The following KIAA1958 variants were observed in gnomAD, a reference collection of about 807,000 sequenced individuals.
KIAA1958 encodes KIAA1958.
A neutral mutation model predicts 47.2 loss-of-function variants in KIAA1958; 14 were observed. The ratio of observed to expected loss-of-function variants is 0.30; its 90% confidence interval spans 0.20 to 0.46. The LOEUF is 0.46. Among genes scored for constraint, KIAA1958 ranks in the 20% least tolerant of loss-of-function variants. The probability of loss-of-function intolerance (pLI) is 1.00; values close to 1 mark genes in which losing one functional copy is unlikely to be tolerated. For missense variants in KIAA1958, 803 were observed against 909.2 expected, an observed-to-expected ratio of 0.88 and a Z score of 1.50; for synonymous variants, 354 against 353.3, an observed-to-expected ratio of 1.00 and a Z score of -0.02.
intron 2 of KIAA1958, among the ~76,000 whole-genome samples, chr9:112,602,016 A>G (rs544082716): frequency 4.9e-4 from 75 of 152,344 alleles, no homozygotes; most frequent in Admixed American, 8.5e-4. Context: ...TCAGATAGCT[A>G]TAATAGCTTA....
chr9:112,636,802 G>A (rs575165847), intron 2 of KIAA1958, among the ~76,000 whole-genome samples: 1 of 152,180 alleles, frequency 6.6e-6, no homozygotes, highest in African/African-American at 2.4e-5. Flanking sequence ...GAATATAGCT[G>A]AATATTGTTC....
At position 112,661,878 on chromosome 9, in the gene KIAA1958, T is replaced by A. The variant is rs1837283850; in HGVS notation, c.*1809T>A. 6.6e-6 allele frequency: 1 copy of A among 152,258 alleles called. No individual in the cohort carries two copies. The highest frequency in any genetic ancestry group is 1.5e-5 in the Non-Finnish European group (1 of 68,050). The allele number at this position is 152,258 out of a possible 1,614,324, so 9.4% of individuals were successfully genotyped here. ...TAAAAGAAATACACAAAACATTAGGTACAATTTCCTTTAGTTTGCTAAACA... is the reference window on the plus strand; with the variant it reads ...TAAAAGAAATACACAAAACATTAGGAACAATTTCCTTTAGTTTGCTAAACA... On this transcript the variant is annotated 3_prime_UTR_variant, in exon 4 of 4. Transcript: ENST00000337530.
intron 2 of KIAA1958, among the ~76,000 whole-genome samples, chr9:112,605,384 A>G (rs1193429723): frequency 2.0e-5 from 3 of 151,816 alleles, no homozygotes; most frequent in African/African-American, 7.3e-5. Flanking sequence ...TCTGCCTCTG[A>G]CCTCCTGCTT....
intron 2 of KIAA1958, among the ~76,000 whole-genome samples, chr9:112,625,905 A>G (rs1314098048): frequency 6.6e-6 from 1 of 152,230 alleles, no homozygotes; most frequent in South Asian, 2.1e-4. Flanking sequence ...GTCTTCAAGA[A>G]TATCAATTCT....
At chr9:112,613,571 T>C (rs1273227263) in intron 2 of KIAA1958, among the ~76,000 whole-genome samples, 1 of 152,154 alleles carries the variant, frequency 6.6e-6, no homozygotes, top group Non-Finnish European at 1.5e-5. Context: ...GGAGAAGATA[T>C]TTGTAATAAA....
chr9:112,585,549 T>C (rs1303242651), intron 2 of KIAA1958, among the ~76,000 whole-genome samples: 2 of 152,202 alleles, frequency 1.3e-5, no homozygotes, highest in African/African-American at 2.4e-5. Context: ...ACACAGTTCA[T>C]TATCTTAGAA....
chr9:112,624,196 T>C (rs1439186455), intron 2 of KIAA1958, among the ~76,000 whole-genome samples: 1 of 152,118 alleles, frequency 6.6e-6, no homozygotes, highest in Non-Finnish European at 1.5e-5. Context: ...GCAAGTTCTC[T>C]ATCAGCTTAA....
intron 2 of KIAA1958, among the ~76,000 whole-genome samples, chr9:112,617,645 C>T (rs145349767): frequency 1.4e-3 from 210 of 152,206 alleles, no homozygotes; most frequent in Admixed American, 2.9e-3. Context: ...ATAGGAAGCT[C>T]GTTTTGCTTG....
intron 2 of KIAA1958, chr9:112,582,591 C>CT (rs1181552955): frequency 6.4e-5 from 10 of 155,602 alleles, no homozygotes; most frequent in African/African-American, 2.4e-4. Flanking sequence ...CACGTGGGAT[C>CT]TAGAGGACAA....
intron 2 of KIAA1958, among the ~76,000 whole-genome samples, chr9:112,587,235 C>T (rs539050046): frequency 3.3e-5 from 5 of 152,244 alleles, no homozygotes; most frequent in African/African-American, 4.8e-5. Flanking sequence ...CTGCAACCCC[C>T]GCCTCCCAGG....
chr9:112,659,448 C>G lies in KIAA1958; in HGVS notation c.1530C>G (p.Leu510=). ...CCTTCAGCTCCTCCACCAAGAAACT[C>G]AAGGAGAAGCTGTGGGTGCTGAGTA... ...SSTFSSSTKK[L]KEKLWVLSKA... Residue 510 remains leucine (L), a synonymous_variant, in exon 4 of 4, where the codon CTC becomes CTG. Transcript: ENST00000337530. 3 of 1,614,092 alleles carry G rather than the reference C, an allele frequency of 1.9e-6. No homozygotes were observed. The highest frequency in any genetic ancestry group is 2.5e-6 in the Non-Finnish European group (3 of 1,179,986).
At chr9:112,637,222 A>G (rs1238006913) in intron 2 of KIAA1958, among the ~76,000 whole-genome samples, 5 of 152,172 alleles carry the variant, frequency 3.3e-5, no homozygotes, top group Non-Finnish European at 4.4e-5. Context: ...AATCACCTAC[A>G]TATTCACACT....
intron 1 of KIAA1958, among the ~76,000 whole-genome samples, chr9:112,567,236 A>G (rs1485540087): frequency 6.6e-6 from 1 of 152,236 alleles, no homozygotes; most frequent in Non-Finnish European, 1.5e-5. Context: ...AAACAAAACA[A>G]ACAAAAATAA....
chr9:112,553,258 C>T (rs1250660955), intron 1 of KIAA1958, among the ~76,000 whole-genome samples: 1 of 151,110 alleles, frequency 6.6e-6, no homozygotes, highest in Non-Finnish European at 1.5e-5. Flanking sequence ...TGATCGTTGG[C>T]TCACTGTAGC....
chr9:112,659,789 G>C lies in KIAA1958; in HGVS notation c.1871G>C (p.Gly624Ala). The C allele has an allele frequency of 6.2e-7, 1 of 1,614,158 alleles. No individual in the cohort carries two copies. The highest frequency in any genetic ancestry group is 8.5e-7 in the Non-Finnish European group (1 of 1,180,028). The stretch of plus-strand genomic sequence containing the variant: ...AAGATCTACCATGAGCATTCCCGGG[G>C]ACACAAACAGTGCCCTTACTGCCTC... Reference protein sequence around the residue: ...HGKIYHEHSRGHKQCPYCLLY... With the variant: ...HGKIYHEHSRAHKQCPYCLLY... Residue 624 changes from glycine (G) to alanine (A), a missense_variant, in exon 4 of 4, where the codon GGA (glycine) becomes GCA (alanine). This residue lies in a region of KIAA1958 where 761 missense variants were observed against 829.3 expected (regional missense o/e 0.92). Coordinates refer to ENST00000337530, the MANE Select transcript of KIAA1958 (RefSeq NM_133465.4).
chr9:112,491,416 C>T lies in KIAA1958; in HGVS notation c.-25+4298C>T, dbSNP rs138595148. Among the ~76,000 whole-genome samples the T allele has an allele frequency of 2.5e-3, 381 of 152,314 alleles. 3 individuals are homozygous for T. The highest frequency in any genetic ancestry group is 4.4e-3 in the Non-Finnish European group (301 of 68,020). On this transcript the variant is annotated intron_variant, in intron 1 of 3. Transcript: ENST00000337530. ...AACCTAGCACCAGGGAGTAGCTCCC[C>T]CCTTGGTTGCTGCAAGTTAGAGAAT...
intron 1 of KIAA1958, among the ~76,000 whole-genome samples, chr9:112,526,740 G>C (rs972659274): frequency 6.6e-6 from 1 of 152,182 alleles, no homozygotes; most frequent in Non-Finnish European, 1.5e-5. Flanking sequence ...CACCCATGAA[G>C]GTGGAACCCG....
Position 112,560,204 on chromosome 9 carries a change from T to C in KIAA1958, c.-24-13853T>C, listed in dbSNP as rs561148733. ...CTGCTTTTTTTTTCTTTTTCTTTTT[T>C]TTTCTTTTTTTGAAGAGATAGGGTC... On this transcript the variant is annotated intron_variant, in intron 1 of 3. Coordinates refer to ENST00000337530, the MANE Select transcript of KIAA1958 (RefSeq NM_133465.4). 3.6e-3 allele frequency among the ~76,000 whole-genome samples: 442 copies of C among 123,728 alleles called. 8 individuals are homozygous for C. Among genetic ancestry groups the C allele is most frequent in the Middle Eastern group, 0.017 (4 of 240 alleles). 81.2% of individuals were successfully genotyped at this position (123,728 alleles called of 152,430 possible). A position where few individuals can be genotyped will look rare whatever the true frequency, so the allele number is the denominator to read the frequency against.
intron 1 of KIAA1958, among the ~76,000 whole-genome samples, chr9:112,503,444 A>G (rs1018148320): frequency 2.6e-5 from 4 of 152,088 alleles, no homozygotes; most frequent in Admixed American, 6.6e-5. Flanking sequence ...GCTTAAGCCC[A>G]TAAGTTTGAG....
Sources: allele counts gnomAD v4.1 joint callset (sites outside exome capture counted in the v4.1 genomes callset), GRCh38; gene constraint gnomAD v4.1.1; regional missense constraint gnomAD v4.1.1; transcripts MANE v1.5; gene names NCBI Gene and HGNC (gene_info 2026-07-23, HGNC 2026-07-21).